The following ITPR2 variants were observed in gnomAD, a reference collection of about 807,000 sequenced individuals.
ITPR2 encodes the protein inositol 1,4,5-trisphosphate-gated calcium channel ITPR2.
ITPR2 carries 207 observed loss-of-function variants against 317.1 expected under a neutral mutation model. The ratio of observed to expected loss-of-function variants is 0.65; its 90% confidence interval spans 0.58 to 0.73. The LOEUF (loss-of-function observed/expected upper bound fraction) is 0.73, where lower values mean the gene tolerates loss of function less well. Among genes scored for constraint, ITPR2 ranks in the 30% least tolerant of loss-of-function variants. The probability of loss-of-function intolerance (pLI) is 0.00; values close to 1 mark genes in which losing one functional copy is unlikely to be tolerated. For missense variants in ITPR2, 2,613 were observed against 3,284.0 expected, an observed-to-expected ratio of 0.80 and a Z score of 4.99; for synonymous variants, 1,156 against 1,149.1, an observed-to-expected ratio of 1.01 and a Z score of -0.12.
At chr12:26,817,274 C>G (rs1273910197) in intron 1 of ITPR2, among the ~76,000 whole-genome samples, 1 of 151,548 alleles carries the variant, frequency 6.6e-6, no homozygotes, top group East Asian at 1.9e-4. Context: ...TCTCAGAAAC[C>G]TGAAAAGCCT....
rs748919001 is a variant in ITPR2 at position 26,565,948 on chromosome 12, AGAGGGGAGGAGAGGAGAGGGGAGGG to A, written c.4631-4021_4631-3997del. On this transcript the variant is annotated intron_variant, in intron 34 of 56. Coordinates refer to ENST00000381340, the MANE Select transcript of ITPR2 (RefSeq NM_002223.4). ...GGAGGAGAGGAGAGGGGAGGAGAGGAGAGGGGAGGAGAGGAGAGGGGAGGGGAGGGGAGGGGAGGGGAGAAGGAGA... is the reference window on the plus strand; with the variant it reads ...GGAGGAGAGGAGAGGGGAGGAGAGGAGAGGGGAGGGGAGGGGAGAAGGAGA... 3.9e-3 allele frequency among the ~76,000 whole-genome samples: 34 copies of A among 8,688 alleles called. 2 individuals are homozygous for A. Among genetic ancestry groups the A allele is most frequent in the African/African-American group, 0.011 (21 of 1,832 alleles). The allele number at this position is 8,688 out of a possible 152,430, so 5.7% of individuals were successfully genotyped here.
At chr12:26,715,250 TC>T in intron 8 of ITPR2, 48 bp downstream of exon 8, 1 of 1,481,750 alleles carries the variant, frequency 6.7e-7, no homozygotes, top group Non-Finnish European at 9.3e-7. Flanking sequence ...CAGTGAATCT[TC>T]TCTTTTTGAT....
intron 13 of ITPR2, among the ~76,000 whole-genome samples, chr12:26,677,500 T>C (rs1021583042): frequency 6.6e-6 from 1 of 151,998 alleles, no homozygotes; most frequent in Admixed American, 6.6e-5. Flanking sequence ...CTCGGGAGTC[T>C]GAGGTGGGAG....
chr12:26,695,683 T>A (rs1238911686), intron 9 of ITPR2, 33 bp from the exon 10 acceptor site: 8 of 1,486,512 alleles, frequency 5.4e-6, no homozygotes, highest in Non-Finnish European at 7.5e-6. Context: ...AGTTTTTCAT[T>A]GCTATGAAAA....
intron 55 of ITPR2, among the ~76,000 whole-genome samples, chr12:26,383,477 TG>T (rs1218754047): frequency 1.3e-5 from 2 of 151,676 alleles, no homozygotes; most frequent in African/African-American, 2.4e-5. Context: ...TTTGTTTGTT[TG>T]TTTGTTTGTT....
At chr12:26,784,401 GCCAAGGC>G (rs1950169364) in intron 2 of ITPR2, among the ~76,000 whole-genome samples, 1 of 130,348 alleles carries the variant, frequency 7.7e-6, no homozygotes, top group Admixed American at 8.2e-5. Context: ...CTGATGCCGA[GCCAAGGC>G]TGGACGGTGC....
intron 22 of ITPR2, among the ~76,000 whole-genome samples, chr12:26,629,967 C>T (rs1327388465): frequency 6.6e-6 from 1 of 152,168 alleles, no homozygotes; most frequent in Admixed American, 6.5e-5. Flanking sequence ...ACACCAGAGA[C>T]TCTTAAGAAC....
rs1592024953 is a variant in ITPR2 at position 26,439,290 on chromosome 12, T to C, written c.6480A>G (p.Gln2160=). Residue 2160 remains glutamine, a synonymous_variant, in exon 47 of 57, where the codon CAA becomes CAG. Transcript: ENST00000381340. The part of the protein sequence containing the change: ...EIVRHDRTME[Q]IVFPVPNICE... ...ATATATTGGGGACAGGAAAAACTAT[T>C]TGTTCCATGGTCCTATCATGCCGGA... 1.2e-6 allele frequency: 2 copies of C among 1,609,958 alleles called. No homozygotes were observed. The highest frequency in any genetic ancestry group is 1.1e-5 in the South Asian group (1 of 89,958).
In ITPR2 at chr12:26,739,220, G is replaced by A. The variant is rs550825781; in HGVS notation, c.164-13455C>T. Among the ~76,000 whole-genome samples, 5 of 152,286 alleles carry A rather than the reference G, an allele frequency of 3.3e-5. No individual in the cohort carries two copies. In the South Asian group the frequency reaches 1.0e-3, roughly 32 times the overall value. ...TACACTGATGGTATGAACACAAATG[G>A]TTCCCTACTTTGGAGAACATTTTGG... On this transcript the variant is annotated intron_variant, in intron 2 of 56. Transcript: ENST00000381340.
At chr12:26,371,325 C>A (rs1388339770) in intron 55 of ITPR2, among the ~76,000 whole-genome samples, 1 of 152,190 alleles carries the variant, frequency 6.6e-6, no homozygotes, top group East Asian at 1.9e-4. Flanking sequence ...CTAGAAAGGA[C>A]CTTAGAGATC....
intron 2 of ITPR2, among the ~76,000 whole-genome samples, chr12:26,774,848 T>C (rs879827711): frequency 1.3e-5 from 2 of 152,168 alleles, no homozygotes; most frequent in African/African-American, 2.4e-5. Context: ...AGAAGTGTAT[T>C]GTGGAACGAA....
chr12:26,737,644 C>G (rs762685279), intron 2 of ITPR2, among the ~76,000 whole-genome samples: 3 of 152,138 alleles, frequency 2.0e-5, no homozygotes, highest in Non-Finnish European at 4.4e-5. Context: ...AGCTCAGACA[C>G]CTCACCTGCT....
At chr12:26,723,059 T>C (rs1490235592) in intron 4 of ITPR2, among the ~76,000 whole-genome samples, 1 of 152,178 alleles carries the variant, frequency 6.6e-6, no homozygotes, top group Admixed American at 6.6e-5. Context: ...CTACACCTTC[T>C]GCCAGGGGAT....
At chr12:26,730,873 A>G (rs1252010376) in intron 2 of ITPR2, among the ~76,000 whole-genome samples, 3 of 152,254 alleles carry the variant, frequency 2.0e-5, no homozygotes, top group Non-Finnish European at 4.4e-5. Context: ...TAACACTGTA[A>G]GTCAAAGAGC....
At chr12:26,632,125 A>C in intron 21 of ITPR2, 66 bp from the exon 22 acceptor site, 3 of 1,300,092 alleles carry the variant, frequency 2.3e-6, no homozygotes, top group Non-Finnish European at 3.1e-6. Flanking sequence ...TATAAAACTC[A>C]GTTAGTCACA....
chr12:26,436,204 GA>G lies in ITPR2; in HGVS notation c.6769+16del. The G allele has an allele frequency of 6.5e-7, 1 of 1,544,784 alleles. No individual in the cohort carries two copies. On this transcript the variant is annotated intron_variant, in intron 48 of 56. Transcript: ENST00000381340. ...AACTTTAAAATATTTATATTTTAAG[GA>G]AAAACGAGCACTTGCCTTCATCTCC...
intron 37 of ITPR2, among the ~76,000 whole-genome samples, chr12:26,534,786 T>C (rs1047055865): frequency 1.3e-5 from 2 of 152,232 alleles, no homozygotes; most frequent in Non-Finnish European, 2.9e-5. Flanking sequence ...AAAGAAAAGA[T>C]ACTATGGCAC....
chr12:26,385,661 T>C (rs1939644165), intron 55 of ITPR2, among the ~76,000 whole-genome samples: 1 of 152,208 alleles, frequency 6.6e-6, no homozygotes, highest in Non-Finnish European at 1.5e-5. Context: ...AAGTGGACCA[T>C]GTGCCAGTGA....
chr12:26,724,839 G>A, intron 3 of ITPR2, 97 bp from the exon 4 acceptor site: 1 of 696,432 alleles, frequency 1.4e-6, no homozygotes. Flanking sequence ...CTATAGCCAG[G>A]AATAAAATAG....
Sources: gnomAD v4.1 joint callset for allele counts (sites outside exome capture counted in the v4.1 genomes callset) on GRCh38, gnomAD v4.1.1 for gene constraint, MANE v1.5 for transcripts, NCBI Gene and HGNC (gene_info 2026-07-23, HGNC 2026-07-21) for gene names.